Variants in ITGA1 observed in about 807,000 individuals in gnomAD.
The protein encoded by ITGA1 is integrin alpha-1.
In ITGA1, 85 loss-of-function variants were observed where a neutral mutation model predicts 145.9. The observed-to-expected ratio is 0.58, with a 90% CI of 0.49 to 0.70. The LOEUF (loss-of-function observed/expected upper bound fraction) is 0.70. Among genes scored for constraint, ITGA1 ranks in the 30% least tolerant of loss-of-function variants. The pLI, the probability that ITGA1 is intolerant of heterozygous loss-of-function variation, is 0.00. For missense variants in ITGA1, 1,351 were observed against 1,418.7 expected (o/e 0.95, Z 0.77); for synonymous variants, 520 against 495.3 (o/e 1.05, Z -0.66).
chr5:52,890,952 A>C (rs6867179), intron 8 of ITGA1, among the ~76,000 whole-genome samples: 71,398 of 151,958 alleles, frequency 0.47, 17,185 homozygotes, highest in East Asian at 0.58. Context: ...TTTTCAGCTC[A>C]CACATTTGAG....
chr5:52,813,409 C>G (rs1030712615), intron 1 of ITGA1, among the ~76,000 whole-genome samples: 1 of 152,166 alleles, frequency 6.6e-6, no homozygotes, highest in African/African-American at 2.4e-5. Flanking sequence ...AAGTCATAAA[C>G]AGACTACAAT....
intron 6 of ITGA1, among the ~76,000 whole-genome samples, chr5:52,872,575 A>T (rs1485167023): frequency 9.1e-5 from 9 of 98,366 alleles, no homozygotes; most frequent in Admixed American, 1.4e-4. Flanking sequence ...GCCTCAGTCA[A>T]TTTTTTTTTT....
Position 52,861,041 on chromosome 5 carries a change from A to G in ITGA1, c.183-406A>G, listed in dbSNP as rs1749591538. Reference sequence around the variant, plus strand: ...TTCCACATGTGTTTTATAAGTTAATACAGTAGCAGACTTAGCCAATAATTA... The same window carrying G: ...TTCCACATGTGTTTTATAAGTTAATGCAGTAGCAGACTTAGCCAATAATTA... On this transcript the variant is annotated intron_variant, in intron 2 of 28. Coordinates refer to ENST00000282588, the MANE Select transcript of ITGA1 (RefSeq NM_181501.2). 2.0e-5 allele frequency among the ~76,000 whole-genome samples: 3 copies of G among 152,202 alleles called. 1 individual carries two copies. The highest frequency in any genetic ancestry group is 4.1e-4 in the South Asian group (2 of 4,830).
intron 3 of ITGA1, among the ~76,000 whole-genome samples, chr5:52,862,218 C>CAAAAA (rs11323830): frequency 5.2e-5 from 5 of 96,488 alleles, no homozygotes; most frequent in Middle Eastern, 5.1e-3. Context: ...AACTCCATCT[C>CAAAAA]AAAAAAAAAA....
At chr5:52,948,882 G>A (rs1381675351) in intron 28 of ITGA1, 2 of 152,134 alleles carry the variant, frequency 1.3e-5, no homozygotes, top group Non-Finnish European at 2.9e-5. Context: ...CTGATATTTG[G>A]ATAGGTTCTT....
chr5:52,906,077 T>C (rs1339542442), intron 12 of ITGA1, among the ~76,000 whole-genome samples, 169 bp downstream of exon 12: 1 of 152,218 alleles, frequency 6.6e-6, no homozygotes, highest in East Asian at 1.9e-4. Flanking sequence ...TGTATCTTTG[T>C]CTTCATGTTG....
intron 1 of ITGA1, among the ~76,000 whole-genome samples, chr5:52,833,484 A>G (rs1749109030): frequency 6.6e-6 from 1 of 152,174 alleles, no homozygotes; most frequent in Non-Finnish European, 1.5e-5. Context: ...TATTTTCTGG[A>G]AAAATGTTTC....
intron 3 of ITGA1, among the ~76,000 whole-genome samples, chr5:52,863,026 C>T (rs1304288940): frequency 6.6e-6 from 1 of 152,172 alleles, no homozygotes; most frequent in East Asian, 1.9e-4. Context: ...GGTTGCATCA[C>T]ATTTTCCTGT....
At chr5:52,844,814 T>A (rs1749308675) in intron 1 of ITGA1, among the ~76,000 whole-genome samples, 1 of 152,292 alleles carries the variant, frequency 6.6e-6, no homozygotes, top group Non-Finnish European at 1.5e-5. Context: ...GAGGCTCGGT[T>A]GTGAATAAGT....
intron 6 of ITGA1, chr5:52,867,347 G>A (rs1749703810): frequency 6.6e-6 from 1 of 152,138 alleles, no homozygotes; most frequent in African/African-American, 2.4e-5. Context: ...TAAATATCCT[G>A]CTGGACAATA....
intron 1 of ITGA1, among the ~76,000 whole-genome samples, chr5:52,832,781 G>A (rs976021495): frequency 7.0e-6 from 1 of 142,544 alleles, no homozygotes; most frequent in Non-Finnish European, 1.5e-5. Flanking sequence ...GTGTGTGTGT[G>A]TGTGTGTGTG....
Position 52,955,340 on chromosome 5 carries a change from G to A in ITGA1, c.*2889G>A, listed in dbSNP as rs1010965575. On this transcript the variant is annotated 3_prime_UTR_variant, in exon 29 of 29. Transcript: ENST00000282588. ...AGCACACCACTGAGACAGATTACAC[G>A]ATAGACAGATAGATAGATAGATAGA... 34 of 118,332 alleles carry A rather than the reference G, an allele frequency of 2.9e-4. No individual in the cohort carries two copies. Among genetic ancestry groups the A allele is most frequent in the Non-Finnish European group, 4.6e-4 (26 of 56,112 alleles). 7.3% of individuals were successfully genotyped at this position (118,332 alleles called of 1,614,324 possible).
chr5:52,824,550 C>G (rs953205773), intron 1 of ITGA1: 7 of 152,200 alleles, frequency 4.6e-5, no homozygotes, highest in Non-Finnish European at 7.3e-5. Context: ...CTTGGCCTCC[C>G]AAAGTGCTAG....
At position 52,956,570 on chromosome 5, in the gene ITGA1, A is replaced by G. The variant is rs1290941685; in HGVS notation, c.*4119A>G. On this transcript the variant is annotated 3_prime_UTR_variant, in exon 29 of 29. Coordinates refer to ENST00000282588, the MANE Select transcript of ITGA1 (RefSeq NM_181501.2). ...CAGCGGTGTTCTAAAGGGTTCACAT[A>G]GTATAATGGAGGAGGGACAAAGCAG... is the stretch of plus-strand genomic sequence containing the variant. 2.6e-5 allele frequency: 4 copies of G among 152,202 alleles called. No homozygotes were observed. In the East Asian group the frequency reaches 5.8e-4, roughly 22 times the overall value. 9.4% of individuals were successfully genotyped at this position (152,202 alleles called of 1,614,324 possible).
intron 28 of ITGA1, among the ~76,000 whole-genome samples, chr5:52,948,392 T>C (rs1245123868): frequency 6.6e-6 from 1 of 152,236 alleles, no homozygotes; most frequent in Non-Finnish European, 1.5e-5. Context: ...AACATAATTA[T>C]TTAATCAAAT....
intron 2 of ITGA1, among the ~76,000 whole-genome samples, chr5:52,858,000 C>A (rs564977495): frequency 6.6e-6 from 1 of 152,268 alleles, no homozygotes; most frequent in South Asian, 2.1e-4. Context: ...TTTGGAGAAA[C>A]CCGAACTAAG....
At chr5:52,857,804 C>T (rs1749540344) in intron 2 of ITGA1, among the ~76,000 whole-genome samples, 1 of 152,190 alleles carries the variant, frequency 6.6e-6, no homozygotes, top group Admixed American at 6.5e-5. Flanking sequence ...ACATGTTCCA[C>T]ATGGTTTCTG....
chr5:52,914,975 G>T (rs1411386551), intron 14 of ITGA1, among the ~76,000 whole-genome samples: 1 of 152,172 alleles, frequency 6.6e-6, no homozygotes, highest in East Asian at 1.9e-4. Context: ...AAAGACAGTA[G>T]AGATTACATA....
intron 1 of ITGA1, chr5:52,800,575 G>A (rs2111662116): frequency 3.1e-6 from 5 of 1,613,652 alleles, no homozygotes; most frequent in South Asian, 1.1e-5. Flanking sequence ...CAGCAACCGG[G>A]TCCGCACTAC....
Sources: allele counts gnomAD v4.1 joint callset (sites outside exome capture counted in the v4.1 genomes callset), GRCh38; gene constraint gnomAD v4.1.1; transcripts MANE v1.5; gene names NCBI Gene and HGNC (gene_info 2026-07-23, HGNC 2026-07-21).